Variants in CCSER1 observed in about 807,000 individuals in gnomAD.
CCSER1 encodes coiled-coil serine rich protein 1, also known as serine-rich coiled-coil domain-containing protein 1.
In CCSER1, 41 loss-of-function variants were observed where a neutral mutation model predicts 82.0. That is an observed-to-expected ratio of 0.50 (90% CI 0.39 to 0.65). The LOEUF (loss-of-function observed/expected upper bound fraction) is 0.65, where lower values mean the gene tolerates loss of function less well. Ranked by LOEUF, CCSER1 falls within the 30% of genes least tolerant of loss-of-function variation. CCSER1 has a pLI of 0.00. For missense variants in CCSER1, 1,119 were observed against 1,064.2 expected (o/e 1.05, Z -0.72); for synonymous variants, 414 against 383.9 (o/e 1.08, Z -0.92).
At chr4:90,805,395 A>G (rs959473452) in intron 7 of CCSER1, among the ~76,000 whole-genome samples, 1 of 152,192 alleles carries the variant, frequency 6.6e-6, no homozygotes, top group Non-Finnish European at 1.5e-5. Flanking sequence ...TGGAAGCGCC[A>G]TGTGGTTTCT....
intron 10 of CCSER1, among the ~76,000 whole-genome samples, chr4:91,112,206 G>A (rs1726154013): frequency 6.6e-6 from 1 of 152,056 alleles, no homozygotes; most frequent in Non-Finnish European, 1.5e-5. Context: ...GAAAAATTGA[G>A]GACAAGTCCA....
intron 4 of CCSER1, among the ~76,000 whole-genome samples, chr4:90,415,447 AG>A: frequency 6.6e-6 from 1 of 152,348 alleles, no homozygotes; most frequent in Non-Finnish European, 1.5e-5. Context: ...TATGGAAATT[AG>A]GTAAAGTAAA....
intron 10 of CCSER1, among the ~76,000 whole-genome samples, chr4:91,339,724 A>G (rs1455449535): frequency 6.6e-6 from 1 of 152,128 alleles, no homozygotes; most frequent in Non-Finnish European, 1.5e-5. Context: ...TCTTCTCTGT[A>G]GGGGATACAT....
chr4:90,669,574 G>A (rs961105757), intron 6 of CCSER1, among the ~76,000 whole-genome samples: 1 of 151,998 alleles, frequency 6.6e-6, no homozygotes, highest in Non-Finnish European at 1.5e-5. Flanking sequence ...GTTTGGTTAT[G>A]TTATAACTTG....
chr4:91,198,278 T>A (rs1735614333), intron 10 of CCSER1, among the ~76,000 whole-genome samples: 1 of 152,266 alleles, frequency 6.6e-6, no homozygotes, highest in Non-Finnish European at 1.5e-5. Flanking sequence ...AAATAGATTT[T>A]CACATAGGTG....
chr4:90,855,158 A>G (rs753204170), intron 8 of CCSER1, among the ~76,000 whole-genome samples: 1 of 152,152 alleles, frequency 6.6e-6, no homozygotes, highest in Non-Finnish European at 1.5e-5. Context: ...ACAATTCAAC[A>G]TGAGATTTGG....
At chr4:90,935,873 A>G (rs1215015952) in intron 9 of CCSER1, among the ~76,000 whole-genome samples, 1 of 152,168 alleles carries the variant, frequency 6.6e-6, no homozygotes, top group Admixed American at 6.5e-5. Context: ...GTTAAAAAAA[A>G]TAAGTGCAAA....
intron 7 of CCSER1, among the ~76,000 whole-genome samples, chr4:90,779,434 G>C (rs1753447586): frequency 6.6e-6 from 1 of 151,812 alleles, no homozygotes; most frequent in Non-Finnish European, 1.5e-5. Context: ...TCTGCGTCTT[G>C]TGCAATTTGA....
intron 5 of CCSER1, among the ~76,000 whole-genome samples, chr4:90,565,006 G>A (rs1467960966): frequency 1.3e-5 from 2 of 149,796 alleles, no homozygotes; most frequent in African/African-American, 4.9e-5. Context: ...GGTGATTTGG[G>A]GTTTTCTGTG....
chr4:90,143,014 T>C (rs957592937), intron 1 of CCSER1, among the ~76,000 whole-genome samples: 2 of 152,204 alleles, frequency 1.3e-5, no homozygotes, highest in African/African-American at 2.4e-5. Context: ...ATATCCACTA[T>C]TTGTCACTTC....
intron 10 of CCSER1, among the ~76,000 whole-genome samples, chr4:91,412,716 A>G (rs904951331): frequency 2.0e-5 from 3 of 152,090 alleles, no homozygotes; most frequent in African/African-American, 7.2e-5. Context: ...CAAACAGGAG[A>G]AGGTCTTTAC....
intron 10 of CCSER1, among the ~76,000 whole-genome samples, chr4:91,439,285 G>A (rs868000215): frequency 9.5e-4 from 144 of 152,158 alleles, no homozygotes; most frequent in African/African-American, 2.1e-3. Context: ...CGGATCTCTC[G>A]GCAGAAACTC....
chr4:90,699,052 G>A lies in CCSER1; in HGVS notation c.1933-24862G>A, dbSNP rs75103529. ...AGAGGTTGAGGGTGCAGTGAGCCAT[G>A]ATCCCACCACTGCACTCCAGCCGGG... is the stretch of plus-strand genomic sequence containing the variant. On this transcript the variant is annotated intron_variant, in intron 6 of 10. Transcript: ENST00000509176. Among the ~76,000 whole-genome samples the A allele has an allele frequency of 8.8e-3, 1,346 of 152,208 alleles. 15 individuals are homozygous for A. Among genetic ancestry groups the A allele is most frequent in the South Asian group, 0.022 (107 of 4,826 alleles).
At chr4:90,217,529 T>C (rs1261057777) in intron 1 of CCSER1, among the ~76,000 whole-genome samples, 1 of 152,098 alleles carries the variant, frequency 6.6e-6, no homozygotes, top group Non-Finnish European at 1.5e-5. Flanking sequence ...TAGAATTATA[T>C]TGTCCCAAAA....
chr4:91,253,745 T>C (rs1740451280), intron 10 of CCSER1, among the ~76,000 whole-genome samples: 1 of 152,182 alleles, frequency 6.6e-6, no homozygotes, highest in African/African-American at 2.4e-5. Context: ...TTCAGGCCTA[T>C]AGGAAGCATA....
chr4:90,498,545 A>C (rs1336365290), intron 5 of CCSER1, among the ~76,000 whole-genome samples: 1 of 152,180 alleles, frequency 6.6e-6, no homozygotes, highest in Non-Finnish European at 1.5e-5. Context: ...CATACAATAG[A>C]CTTGAAGTAT....
Position 90,546,941 on chromosome 4 carries a change from C to T in CCSER1, c.1724+78587C>T, listed in dbSNP as rs371108856. 3.3e-4 allele frequency among the ~76,000 whole-genome samples: 50 copies of T among 152,018 alleles called. No homozygotes were observed. In the South Asian group the frequency reaches 7.9e-3, roughly 24 times the overall value. Reference sequence around the variant, plus strand: ...CAGAACACTAGATTTAAAGGCTTTCCAAAGCCTAATGAGTAAGTCCAGTGT... The same window carrying T: ...CAGAACACTAGATTTAAAGGCTTTCTAAAGCCTAATGAGTAAGTCCAGTGT... On this transcript the variant is annotated intron_variant, in intron 5 of 10. Coordinates refer to ENST00000509176, the MANE Select transcript of CCSER1 (RefSeq NM_001145065.2).
chr4:91,255,378 A>G (rs930456656), intron 10 of CCSER1, among the ~76,000 whole-genome samples: 1 of 152,148 alleles, frequency 6.6e-6, no homozygotes, highest in African/African-American at 2.4e-5. Context: ...CCTTATTACT[A>G]TTATTATTGA....
intron 1 of CCSER1, among the ~76,000 whole-genome samples, chr4:90,245,006 A>G (rs1721162895): frequency 6.6e-6 from 1 of 152,172 alleles, no homozygotes; most frequent in South Asian, 2.1e-4. Flanking sequence ...CTTACAAAAT[A>G]AAAATAATAC....
Sources: allele counts gnomAD v4.1 joint callset (sites outside exome capture counted in the v4.1 genomes callset), GRCh38; gene constraint gnomAD v4.1.1; transcripts MANE v1.5; gene names NCBI Gene and HGNC (gene_info 2026-07-23, HGNC 2026-07-21).